SLC41A3: variants seen among roughly 807,000 people sequenced by gnomAD.
SLC41A3 encodes the protein solute carrier family 41 member 3, also known as SLC41A1-like 2.
A neutral mutation model predicts 45.4 loss-of-function variants in SLC41A3; 44 were observed. That is an observed-to-expected ratio of 0.97 (90% CI 0.76 to 1.25). The LOEUF is 1.25. Among genes scored for constraint, SLC41A3 ranks in the 50% most tolerant of loss-of-function variants. SLC41A3 has a pLI of 0.00. For missense variants in SLC41A3, 550 were observed against 600.6 expected (o/e 0.92, Z 0.88); for synonymous variants, 256 against 252.4 (o/e 1.01, Z -0.13).
At chr3:126,056,866 T>A in intron 2 of SLC41A3, 2 of 1,178,712 alleles carry the variant, frequency 1.7e-6, no homozygotes, top group Non-Finnish European at 2.1e-6. Context: ...GACCTCCCTC[T>A]GCCAGTCTGC....
chr3:126,019,908 G>A (rs536447744), intron 6 of SLC41A3, among the ~76,000 whole-genome samples: 1 of 152,132 alleles, frequency 6.6e-6, no homozygotes, highest in East Asian at 1.9e-4. Flanking sequence ...TTGTCCTGGT[G>A]GAACTCTGGA....
chr3:126,052,295 G>A (rs552047388), intron 2 of SLC41A3, among the ~76,000 whole-genome samples: 87 of 152,140 alleles, frequency 5.7e-4, no homozygotes, highest in Middle Eastern at 3.4e-3. Context: ...GTGGGCCTCC[G>A]TCCTCAGCAG....
chr3:126,028,342 C>T (rs539482995), intron 4 of SLC41A3, among the ~76,000 whole-genome samples: 3 of 152,226 alleles, frequency 2.0e-5, no homozygotes, highest in Non-Finnish European at 4.4e-5. Flanking sequence ...GTCGCTCAAG[C>T]TCCAGTCATG....
chr3:126,006,674 C>G lies in SLC41A3; in HGVS notation c.*342G>C. The G allele has an allele frequency of 6.8e-7, 1 of 1,479,968 alleles. No individual in the cohort carries two copies. Among genetic ancestry groups the G allele is most frequent in the Non-Finnish European group, 8.9e-7 (1 of 1,118,418 alleles). The allele number at this position is 1,479,968 out of a possible 1,614,324, so 91.7% of individuals were successfully genotyped here. On this transcript the variant is annotated 3_prime_UTR_variant, in exon 11 of 11. Coordinates refer to ENST00000360370, the MANE Select transcript of SLC41A3 (RefSeq NM_017836.4). The stretch of plus-strand genomic sequence containing the variant: ...TGGGTTGCATGGGCATGGAAAAGAG[C>G]AAACACACCCTGCAAAGCATACTGG...
At chr3:126,017,259 G>A (rs1011294756) in intron 6 of SLC41A3, among the ~76,000 whole-genome samples, 27 of 152,226 alleles carry the variant, frequency 1.8e-4, no homozygotes, top group African/African-American at 6.5e-4. Flanking sequence ...CTTCTCGACA[G>A]CCCCTGCTTA....
chr3:126,071,016 A>T (rs1489858182), intron 1 of SLC41A3, among the ~76,000 whole-genome samples: 2 of 152,230 alleles, frequency 1.3e-5, no homozygotes, highest in Admixed American at 6.5e-5. Context: ...TATAAAAGAA[A>T]TAACAAGTGA....
chr3:126,021,115 T>C (rs538635059), intron 6 of SLC41A3, among the ~76,000 whole-genome samples: 280 of 152,272 alleles, frequency 1.8e-3, no homozygotes, highest in Middle Eastern at 0.01. Flanking sequence ...AGGATGGTCT[T>C]GATCTCCTGA....
At chr3:126,089,458 A>G (rs905142896) in intron 1 of SLC41A3, among the ~76,000 whole-genome samples, 1 of 152,236 alleles carries the variant, frequency 6.6e-6, no homozygotes. Flanking sequence ...TGGGTACTGC[A>G]TTTGACTGAG....
intron 1 of SLC41A3, among the ~76,000 whole-genome samples, chr3:126,100,686 G>A (rs898214688): frequency 2.0e-5 from 3 of 152,200 alleles, no homozygotes; most frequent in African/African-American, 7.2e-5. Context: ...TCTATGGGAA[G>A]CAGAAACACT....
At chr3:126,022,372 A>C (rs778336500) in intron 6 of SLC41A3, among the ~76,000 whole-genome samples, 1 of 152,240 alleles carries the variant, frequency 6.6e-6, no homozygotes, top group Non-Finnish European at 1.5e-5. Flanking sequence ...ATAATTCATA[A>C]GGAAATTTCT....
At position 126,027,639 on chromosome 3, in the gene SLC41A3, A is replaced by T. The variant is rs899662465; in HGVS notation, c.454-1160T>A. Reference sequence around the variant, plus strand: ...GTGGAAGCGACCTTGGAGTTAGGTAACGAGCAGAGGGTGGAAGAGTTTGGA... The same window carrying T: ...GTGGAAGCGACCTTGGAGTTAGGTATCGAGCAGAGGGTGGAAGAGTTTGGA... On this transcript the variant is annotated intron_variant, in intron 4 of 10. Transcript: ENST00000360370. Among the ~76,000 whole-genome samples, 7 of 152,318 alleles carry T rather than the reference A, an allele frequency of 4.6e-5. No homozygotes were observed. In the South Asian group the frequency reaches 1.0e-3, roughly 23 times the overall value.
At chr3:126,068,344 T>C (rs1467634951) in intron 1 of SLC41A3, 98 bp from the exon 2 acceptor site, 2 of 1,183,572 alleles carry the variant, frequency 1.7e-6, no homozygotes, top group Non-Finnish European at 1.1e-6. Flanking sequence ...CAGGCCGGCA[T>C]GGTCCCATCC....
chr3:126,071,150 T>A (rs1205824865), intron 1 of SLC41A3, among the ~76,000 whole-genome samples: 1 of 152,218 alleles, frequency 6.6e-6, no homozygotes, highest in Non-Finnish European at 1.5e-5. Flanking sequence ...AATCCCATCT[T>A]ATCAATTATT....
Position 126,012,689 on chromosome 3 carries a change from C to A in SLC41A3, c.1031G>T (p.Trp344Leu). ...TSRISTYLHM[W>L]SAPGVLPLQM... Reference sequence around the variant, plus strand: ...GAGGGGCAGGACGCCAGGTGCACTCCACATGTGCAGGTAGGTTGAGATTCG... The same window carrying A: ...GAGGGGCAGGACGCCAGGTGCACTCAACATGTGCAGGTAGGTTGAGATTCG... The change falls in exon 9 of 11, where the codon TGG becomes TTG. Residue 344 changes from tryptophan to leucine, a missense_variant. Trp to Leu is a moderately conservative substitution (Grantham distance 61). Coordinates refer to ENST00000360370, the MANE Select transcript of SLC41A3 (RefSeq NM_017836.4). 6.2e-7 allele frequency: 1 copy of A among 1,614,202 alleles called. No individual in the cohort carries two copies. The highest frequency in any genetic ancestry group is 8.5e-7 in the Non-Finnish European group (1 of 1,180,036).
Position 126,011,124 on chromosome 3 carries a change from C to T in SLC41A3, c.1105+1491G>A, listed in dbSNP as rs950571058. Among the ~76,000 whole-genome samples the T allele has an allele frequency of 7.9e-5, 12 of 152,094 alleles. No homozygotes were observed. In the East Asian group the frequency reaches 9.6e-4, roughly 12 times the overall value. Reference sequence around the variant, plus strand: ...ACAGACGTCAGCATCACCTGAAAGCCGTTCTAATGAAGCCACTACAACAAT... The same window carrying T: ...ACAGACGTCAGCATCACCTGAAAGCTGTTCTAATGAAGCCACTACAACAAT... On this transcript the variant is annotated intron_variant, in intron 9 of 10. Coordinates refer to ENST00000360370, the MANE Select transcript of SLC41A3 (RefSeq NM_017836.4).
At chr3:126,056,435 T>C (rs1943668389) in intron 2 of SLC41A3, 6 of 1,614,032 alleles carry the variant, frequency 3.7e-6, no homozygotes, top group South Asian at 3.3e-5. Context: ...ACCTGGCACA[T>C]GATGGTGAAG....
intron 6 of SLC41A3, 110 bp from the exon 7 acceptor site, chr3:126,016,985 A>T: frequency 2.3e-6 from 3 of 1,324,572 alleles, no homozygotes; most frequent in Non-Finnish European, 3.0e-6. Context: ...TGTCCTCATC[A>T]GTTGAGGGGG....
intron 3 of SLC41A3, 129 bp from the exon 4 acceptor site, chr3:126,033,807 C>A: frequency 1.0e-6 from 1 of 978,942 alleles, no homozygotes; most frequent in Non-Finnish European, 1.5e-6. Flanking sequence ...GAAAAAAATT[C>A]CTCTGCTCAG....
intron 1 of SLC41A3, among the ~76,000 whole-genome samples, chr3:126,078,071 GC>G (rs1228803458): frequency 1.3e-5 from 2 of 152,148 alleles, no homozygotes; most frequent in Non-Finnish European, 2.9e-5. Flanking sequence ...ACCTGCAGGG[GC>G]CCAATGCCAG....
Sources: gnomAD v4.1 joint callset for allele counts (sites outside exome capture counted in the v4.1 genomes callset) on GRCh38, gnomAD v4.1.1 for gene constraint, MANE v1.5 for transcripts, NCBI Gene and HGNC (gene_info 2026-07-23, HGNC 2026-07-21) for gene names.